R3HDM1: variants seen among roughly 807,000 people sequenced by gnomAD.
R3HDM1 encodes R3H domain containing 1.
R3HDM1 carries 46 observed loss-of-function variants against 141.1 expected under a neutral mutation model. The observed-to-expected ratio is 0.33, with a 90% confidence interval of 0.26 to 0.42. R3HDM1 has a LOEUF of 0.42. Among genes scored for constraint, R3HDM1 ranks in the 10% least tolerant of loss-of-function variants. R3HDM1 has a pLI of 1.00. For missense variants in R3HDM1, 1,184 were observed against 1,368.3 expected, an observed-to-expected ratio of 0.87 and a Z score of 2.12; for synonymous variants, 435 against 472.9, an observed-to-expected ratio of 0.92 and a Z score of 1.04.
At chr2:135,666,922 A>T (rs1334371905) in intron 19 of R3HDM1, 17 of 70,036 alleles carry the variant, frequency 2.4e-4, no homozygotes, top group Non-Finnish European at 3.1e-4. Flanking sequence ...GCTCATCTTT[A>T]AAAAAAAAAA....
At chr2:135,561,451 T>G (rs1251248387) in intron 1 of R3HDM1, 3 of 671,186 alleles carry the variant, frequency 4.5e-6, no homozygotes, top group Non-Finnish European at 5.5e-6. Context: ...ACGTGGTGGC[T>G]CACACTTGAA....
intron 1 of R3HDM1, among the ~76,000 whole-genome samples, chr2:135,575,397 G>C (rs1705169815): frequency 6.6e-6 from 1 of 152,138 alleles, no homozygotes; most frequent in Admixed American, 6.5e-5. Flanking sequence ...GGCCAGGCTG[G>C]TCTCGAACTC....
intron 1 of R3HDM1, among the ~76,000 whole-genome samples, chr2:135,557,627 C>T (rs1259362480): frequency 1.3e-5 from 2 of 152,094 alleles, no homozygotes; most frequent in African/African-American, 2.4e-5. Context: ...CTCTTGATCC[C>T]GATAGCAGTG....
chr2:135,589,295 G>A (rs1342051298), intron 1 of R3HDM1, among the ~76,000 whole-genome samples: 1 of 152,180 alleles, frequency 6.6e-6, no homozygotes, highest in Non-Finnish European at 1.5e-5. Context: ...TCTCAGAGCT[G>A]AGTTAAATGT....
chr2:135,645,015 G>C (rs1048993231), intron 15 of R3HDM1, among the ~76,000 whole-genome samples: 6 of 152,176 alleles, frequency 3.9e-5, no homozygotes, highest in Admixed American at 3.3e-4. Context: ...CCAGGAGACA[G>C]AGGTTGCACT....
At chr2:135,721,702 C>G (rs1332600707) in intron 24 of R3HDM1, 3 of 394,696 alleles carry the variant, frequency 7.6e-6, no homozygotes, top group Non-Finnish European at 1.4e-5. Flanking sequence ...GTTCTCATGC[C>G]TCAGCCTCCT....
In R3HDM1 at chr2:135,622,646, T is replaced by G; in HGVS notation, c.419-8T>G. The stretch of plus-strand genomic sequence containing the variant: ...TTTATACTGGGTTTTTGTGTTGTTG[T>G]TTTTTAGATTCCAGTCAAGAATACA... On this transcript the variant is annotated splice_region_variant and splice_polypyrimidine_tract_variant and intron_variant, in intron 6 of 26. Transcript: ENST00000683871. 1 of 1,590,520 alleles carries G rather than the reference T, an allele frequency of 6.3e-7. No individual in the cohort carries two copies. Among genetic ancestry groups the G allele is most frequent in the Non-Finnish European group, 8.6e-7 (1 of 1,168,378 alleles).
At chr2:135,639,651 A>C (rs1029727431) in intron 14 of R3HDM1, among the ~76,000 whole-genome samples, 3 of 152,250 alleles carry the variant, frequency 2.0e-5, no homozygotes, top group African/African-American at 7.2e-5. Flanking sequence ...TAATCTCCTC[A>C]TTCTACTACC....
At chr2:135,536,662 T>C (rs1253095137) in intron 1 of R3HDM1, 3 of 937,288 alleles carry the variant, frequency 3.2e-6, no homozygotes, top group African/African-American at 3.6e-5. Context: ...GTCACAACAT[T>C]AGTTTGATGA....
chr2:135,629,710 G>A (rs2105208997), intron 7 of R3HDM1, among the ~76,000 whole-genome samples: 1 of 152,278 alleles, frequency 6.6e-6, no homozygotes, highest in African/African-American at 2.4e-5. Flanking sequence ...TAACAGTTTT[G>A]TGAGTTCAGG....
chr2:135,705,435 A>G (rs1172390871), intron 21 of R3HDM1, among the ~76,000 whole-genome samples: 7 of 152,158 alleles, frequency 4.6e-5, no homozygotes, highest in African/African-American at 1.7e-4. Flanking sequence ...ATGTACTGTC[A>G]CTTGAATTTG....
At chr2:135,577,911 A>G (rs377461650) in intron 1 of R3HDM1, among the ~76,000 whole-genome samples, 12 of 152,256 alleles carry the variant, frequency 7.9e-5, no homozygotes, top group East Asian at 7.7e-4. Flanking sequence ...GTGAAAACTA[A>G]AAAGAATGAC....
chr2:135,584,098 C>A (rs1707355277), intron 1 of R3HDM1: 1 of 951,414 alleles, frequency 1.1e-6, no homozygotes, highest in African/African-American at 1.8e-5. Context: ...GAGGCCAAAG[C>A]AGGTGGATCA....
chr2:135,578,211 C>T (rs1464446622), intron 1 of R3HDM1, among the ~76,000 whole-genome samples: 3 of 152,088 alleles, frequency 2.0e-5, no homozygotes, highest in Non-Finnish European at 2.9e-5. Context: ...TGAGGAAAAT[C>T]GCTGAACTAC....
At chr2:135,558,403 A>G (rs1440199768) in intron 1 of R3HDM1, among the ~76,000 whole-genome samples, 1 of 152,236 alleles carries the variant, frequency 6.6e-6, no homozygotes, top group Non-Finnish European at 1.5e-5. Flanking sequence ...CCTATATTTA[A>G]TTTAAGATAT....
At chr2:135,562,133 A>G (rs1362908363) in intron 1 of R3HDM1, among the ~76,000 whole-genome samples, 2 of 152,268 alleles carry the variant, frequency 1.3e-5, no homozygotes, top group Non-Finnish European at 2.9e-5. Flanking sequence ...TCATAATCTC[A>G]GATAGTTACA....
intron 1 of R3HDM1, chr2:135,577,334 T>C: frequency 2.7e-6 from 1 of 372,848 alleles, no homozygotes; most frequent in South Asian, 1.1e-4. Flanking sequence ...ATAGCACTAA[T>C]GTATACTACA....
chr2:135,696,016 G>A (rs1362757658), intron 21 of R3HDM1, among the ~76,000 whole-genome samples: 34 of 152,186 alleles, frequency 2.2e-4, no homozygotes, highest in Admixed American at 2.2e-3. Context: ...GAAACAGTTT[G>A]TTTTAAACGT....
In R3HDM1 at chr2:135,654,599, C is replaced by A. The variant is rs144667997; in HGVS notation, c.2028+2567C>A. On this transcript the variant is annotated intron_variant, in intron 18 of 26. Transcript: ENST00000683871. ...GAGTAGCTGGGATTACAGGCGTGAG[C>A]CACCATGCCCAACTAATTTTTGTAT... Among the ~76,000 whole-genome samples the A allele has an allele frequency of 6.3e-3, 961 of 152,198 alleles. 8 individuals are homozygous for A. The highest frequency in any genetic ancestry group is 0.021 in the African/African-American group (870 of 41,528).
Sources: allele counts gnomAD v4.1 joint callset (sites outside exome capture counted in the v4.1 genomes callset), GRCh38; gene constraint gnomAD v4.1.1; transcripts MANE v1.5; gene names NCBI Gene and HGNC (gene_info 2026-07-23, HGNC 2026-07-21).